Variants in FOXP1 observed in about 807,000 individuals in gnomAD.
FOXP1 encodes the protein forkhead box P1.
A neutral mutation model predicts 98.2 loss-of-function variants in FOXP1; 15 were observed. That is an observed-to-expected ratio of 0.15 (90% CI 0.10 to 0.24). The LOEUF is 0.24. Ranked by LOEUF, FOXP1 falls within the 10% of genes least tolerant of loss-of-function variation. The pLI is 1.00. For missense variants in FOXP1, 633 were observed against 848.5 expected (o/e 0.75, Z 3.15); for synonymous variants, 371 against 314.5 (o/e 1.18, Z -1.90).
intron 14 of FOXP1, among the ~76,000 whole-genome samples, chr3:70,979,951 G>A (rs2038524492): frequency 6.6e-6 from 1 of 152,118 alleles, no homozygotes; most frequent in Admixed American, 6.5e-5. Context: ...TTTGAGTTGT[G>A]CTTTCCTTTT....
At chr3:71,550,945 G>T (rs2045733195) in intron 2 of FOXP1, among the ~76,000 whole-genome samples, 1 of 152,160 alleles carries the variant, frequency 6.6e-6, no homozygotes, top group Admixed American at 6.5e-5. Flanking sequence ...TGTTGCCAGG[G>T]TTTCCTTCCA....
chr3:71,384,709 G>T (rs2080437087), intron 3 of FOXP1, among the ~76,000 whole-genome samples: 1 of 152,168 alleles, frequency 6.6e-6, no homozygotes, highest in East Asian at 1.9e-4. Flanking sequence ...AAAGGGTTCA[G>T]GTGAATTTCA....
chr3:71,264,559 A>G (rs2107222168), intron 5 of FOXP1, among the ~76,000 whole-genome samples: 1 of 152,232 alleles, frequency 6.6e-6, no homozygotes, highest in Non-Finnish European at 1.5e-5. Context: ...ACTTGGAGGG[A>G]TCTGATTAGA....
At position 71,550,226 on chromosome 3, in the gene FOXP1, C is replaced by A. The variant is rs551796161; in HGVS notation, c.-298+31323G>T. ...AGCTCTCTCATCTCCATGATCCCCA[C>A]CTGCCCCCAAGTAAAACGATTATAA... is the stretch of plus-strand genomic sequence containing the variant. On this transcript the variant is annotated intron_variant, in intron 2 of 20. Transcript: ENST00000649528. Among the ~76,000 whole-genome samples the A allele has an allele frequency of 2.0e-5, 3 of 152,304 alleles. No homozygotes were observed. In the East Asian group the frequency reaches 5.8e-4, roughly 29 times the overall value.
chr3:71,060,140 T>C (rs1457638787), intron 7 of FOXP1, among the ~76,000 whole-genome samples: 1 of 152,098 alleles, frequency 6.6e-6, no homozygotes, highest in Non-Finnish European at 1.5e-5. Flanking sequence ...TTTCCCATAT[T>C]ACTGAAAGGG....
chr3:71,456,388 G>A (rs192883794), intron 3 of FOXP1, among the ~76,000 whole-genome samples: 1 of 152,268 alleles, frequency 6.6e-6, no homozygotes, highest in East Asian at 1.9e-4. Flanking sequence ...AAGGTGCCGG[G>A]TTTTCTTGTA....
intron 9 of FOXP1, 121 bp from the exon 10 acceptor site, chr3:71,047,216 G>A: frequency 8.7e-7 from 1 of 1,151,720 alleles, no homozygotes; most frequent in Non-Finnish European, 1.3e-6. Flanking sequence ...GCTCAGTGGA[G>A]GGCTCCGTGT....
At chr3:71,098,912 A>G (rs2056715628) in intron 7 of FOXP1, among the ~76,000 whole-genome samples, 1 of 152,230 alleles carries the variant, frequency 6.6e-6, no homozygotes, top group African/African-American at 2.4e-5. Context: ...AATGCTGCTA[A>G]AAGTAGTTAG....
chr3:71,259,147 A>T (rs2068884348), intron 5 of FOXP1, among the ~76,000 whole-genome samples: 1 of 151,558 alleles, frequency 6.6e-6, no homozygotes, highest in Non-Finnish European at 1.5e-5. Context: ...TGTGTCTCAG[A>T]AAAAAAAAGA....
At chr3:71,255,279 C>G (rs1008488574) in intron 5 of FOXP1, among the ~76,000 whole-genome samples, 7 of 152,082 alleles carry the variant, frequency 4.6e-5, no homozygotes, top group African/African-American at 1.4e-4. Flanking sequence ...ATATAATAGC[C>G]CGTTAGCCTT....
At chr3:70,960,157 T>C (rs1024540121) in intron 20 of FOXP1, among the ~76,000 whole-genome samples, 4 of 152,188 alleles carry the variant, frequency 2.6e-5, no homozygotes, top group Admixed American at 6.5e-5. Context: ...CACCATGATA[T>C]ACATGCTTGA....
intron 3 of FOXP1, among the ~76,000 whole-genome samples, chr3:71,375,141 C>A (rs1029122991): frequency 1.3e-5 from 2 of 152,138 alleles, no homozygotes; most frequent in East Asian, 3.8e-4. Flanking sequence ...GTTACCAGTT[C>A]AGTAGAAAAG....
intron 2 of FOXP1, among the ~76,000 whole-genome samples, chr3:71,535,218 G>C (rs1212139689): frequency 6.6e-6 from 1 of 152,162 alleles, no homozygotes; most frequent in Non-Finnish European, 1.5e-5. Flanking sequence ...CCAAGGCTCT[G>C]AAAGGATATT....
chr3:71,397,105 T>TATATGTGTATATATATAC (rs2081581852), intron 3 of FOXP1, among the ~76,000 whole-genome samples: 1 of 113,800 alleles, frequency 8.8e-6, no homozygotes, highest in Non-Finnish European at 1.9e-5. Context: ...TATATACATA[T>TATATGTGTATATATATAC]ATATATATGT....
chr3:71,183,918 C>T (rs755309196), intron 6 of FOXP1, among the ~76,000 whole-genome samples: 55 of 152,030 alleles, frequency 3.6e-4, no homozygotes, highest in Non-Finnish European at 5.6e-4. Context: ...TTTGGGAGGC[C>T]GAGGTGGGAA....
Position 70,957,227 on chromosome 3 carries a change from G to T in FOXP1, c.*2020C>A. 1 of 223,906 alleles carries T rather than the reference G, an allele frequency of 4.5e-6. No homozygotes were observed. Among genetic ancestry groups the T allele is most frequent in the East Asian group, 6.5e-5 (1 of 15,280 alleles). 13.9% of individuals were successfully genotyped at this position (223,906 alleles called of 1,614,324 possible). On this transcript the variant is annotated 3_prime_UTR_variant, in exon 21 of 21. Coordinates refer to ENST00000649528, the MANE Select transcript of FOXP1 (RefSeq NM_001349338.3). ...TTGTGTCCTATTTTTATCTGCAGTA[G>T]CCCCATAAAATCTCTTTAAGAGAAT...
At chr3:71,007,118 A>T (rs906531283) in intron 12 of FOXP1, among the ~76,000 whole-genome samples, 6 of 152,014 alleles carry the variant, frequency 3.9e-5, no homozygotes, top group East Asian at 1.9e-4. Flanking sequence ...GGGGGAAAAA[A>T]TTTTTTTTGG....
At chr3:71,129,406 G>A (rs529331605) in intron 6 of FOXP1, among the ~76,000 whole-genome samples, 1 of 152,246 alleles carries the variant, frequency 6.6e-6, no homozygotes, top group South Asian at 2.1e-4. Context: ...TCTTCTATGA[G>A]AGGTTTGGAC....
chr3:71,583,270 A>G (rs1390240315), intron 1 of FOXP1, among the ~76,000 whole-genome samples: 3 of 152,084 alleles, frequency 2.0e-5, no homozygotes, highest in Admixed American at 6.5e-5. Flanking sequence ...TTATGCAAAT[A>G]AACCCAAAGG....
Sources: allele counts gnomAD v4.1 joint callset (sites outside exome capture counted in the v4.1 genomes callset), GRCh38; gene constraint gnomAD v4.1.1; transcripts MANE v1.5; gene names NCBI Gene and HGNC (gene_info 2026-07-23, HGNC 2026-07-21).